The following DACH1 variants were observed in gnomAD, a reference collection of about 807,000 sequenced individuals.
DACH1 encodes the protein dachshund homolog 1.
DACH1 carries 12 observed loss-of-function variants against 54.2 expected under a neutral mutation model. The observed-to-expected ratio is 0.22, with a 90% CI of 0.14 to 0.36. The LOEUF (loss-of-function observed/expected upper bound fraction) is 0.36, where lower values mean the gene tolerates loss of function less well. DACH1 is among the 10% of genes least tolerant of loss of function. The pLI is 1.00. For synonymous variants in DACH1, 386 were observed against 366.2 expected (o/e 1.05, Z -0.62); for missense variants, 805 against 929.8 (o/e 0.87, Z 1.75).
intron 10 of DACH1, among the ~76,000 whole-genome samples, chr13:71,474,415 G>A (rs966488197): frequency 1.3e-5 from 2 of 152,092 alleles, no homozygotes; most frequent in Non-Finnish European, 2.9e-5. Flanking sequence ...ATTTTAAATA[G>A]AAAACAAATG....
chr13:71,673,783 C>T (rs1249942005), intron 2 of DACH1, among the ~76,000 whole-genome samples: 2 of 152,146 alleles, frequency 1.3e-5, no homozygotes, highest in Middle Eastern at 6.3e-3. Context: ...TAATATGTTC[C>T]ATGCTACTAT....
intron 1 of DACH1, among the ~76,000 whole-genome samples, chr13:71,821,956 G>T (rs1888205675): frequency 6.6e-6 from 1 of 152,088 alleles, no homozygotes; most frequent in Non-Finnish European, 1.5e-5. Context: ...AGCTACTCGG[G>T]AGGCTGAGGC....
chr13:71,475,938 T>C (rs1029653636), intron 8 of DACH1, 89 bp from the exon 9 acceptor site: 1 of 1,014,740 alleles, frequency 9.9e-7, no homozygotes, highest in African/African-American at 1.7e-5. Context: ...TTTTATATTA[T>C]TCATTTTGTT....
At chr13:71,809,959 T>C (rs1003249641) in intron 1 of DACH1, among the ~76,000 whole-genome samples, 3 of 152,176 alleles carry the variant, frequency 2.0e-5, no homozygotes, top group African/African-American at 7.2e-5. Flanking sequence ...ATTTTTCTGG[T>C]ATTCTGGAAG....
At chr13:71,529,525 A>G (rs1882268876) in intron 6 of DACH1, among the ~76,000 whole-genome samples, 1 of 152,078 alleles carries the variant, frequency 6.6e-6, no homozygotes, top group South Asian at 2.1e-4. Context: ...CAAATCGTAG[A>G]TGTGGCAACT....
At chr13:71,654,994 T>A (rs1010653229) in intron 2 of DACH1, among the ~76,000 whole-genome samples, 5 of 152,194 alleles carry the variant, frequency 3.3e-5, no homozygotes, top group Non-Finnish European at 5.9e-5. Context: ...GCATTAACTT[T>A]TTTGTGATGT....
In DACH1 at chr13:71,866,783, G is replaced by C; in HGVS notation, c.-14C>G. ...CGGCACTGCCATGGTCACATATAAGGGGAAACAGACGGAGGAGAAGCGAGA... is the reference window on the plus strand; with the variant it reads ...CGGCACTGCCATGGTCACATATAAGCGGAAACAGACGGAGGAGAAGCGAGA... On this transcript the variant is annotated 5_prime_UTR_variant, in exon 1 of 11. Coordinates refer to ENST00000613252, the MANE Select transcript of DACH1 (RefSeq NM_080759.6). 8 of 1,328,422 alleles carry C rather than the reference G, an allele frequency of 6.0e-6. No individual in the cohort carries two copies. Among genetic ancestry groups the C allele is most frequent in the Non-Finnish European group, 7.8e-6 (8 of 1,030,528 alleles). The allele number at this position is 1,328,422 out of a possible 1,614,324, so 82.3% of individuals were successfully genotyped here. A position where few individuals can be genotyped will look rare whatever the true frequency, so the allele number is the denominator to read the frequency against.
chr13:71,659,721 C>T (rs1436732139), intron 2 of DACH1, among the ~76,000 whole-genome samples: 1 of 151,944 alleles, frequency 6.6e-6, no homozygotes, highest in Non-Finnish European at 1.5e-5. Context: ...TGTTTTAAGG[C>T]AACATAAAAA....
At chr13:71,494,497 G>T (rs1160476456) in intron 6 of DACH1, among the ~76,000 whole-genome samples, 2 of 152,176 alleles carry the variant, frequency 1.3e-5, no homozygotes, top group East Asian at 3.9e-4. Context: ...CACATTTCAG[G>T]TAGGGTAGGC....
chr13:71,637,490 T>A (rs1422126777), intron 2 of DACH1, among the ~76,000 whole-genome samples: 1 of 152,174 alleles, frequency 6.6e-6, no homozygotes, highest in Non-Finnish European at 1.5e-5. Context: ...CAGGTTTCCA[T>A]CAAATCATTG....
intron 1 of DACH1, among the ~76,000 whole-genome samples, chr13:71,769,828 T>G (rs990119312): frequency 2.6e-4 from 40 of 151,640 alleles, no homozygotes; most frequent in African/African-American, 9.2e-4. Context: ...ATATGTGACA[T>G]GATCTTATGC....
intron 6 of DACH1, among the ~76,000 whole-genome samples, chr13:71,515,006 T>C (rs1267901785): frequency 1.3e-5 from 2 of 151,896 alleles, no homozygotes; most frequent in Non-Finnish European, 2.9e-5. Context: ...TTATAAATGG[T>C]TAGGTTTTTT....
intron 6 of DACH1, among the ~76,000 whole-genome samples, chr13:71,511,536 TCTTA>T (rs888042686): frequency 1.3e-5 from 2 of 151,774 alleles, no homozygotes; most frequent in African/African-American, 4.8e-5. Context: ...AGCCCAAAAT[TCTTA>T]CTTGTTTTCT....
At chr13:71,826,522 C>A (rs1255670761) in intron 1 of DACH1, among the ~76,000 whole-genome samples, 1 of 152,034 alleles carries the variant, frequency 6.6e-6, no homozygotes, top group Non-Finnish European at 1.5e-5. Context: ...CCTGTCTCTT[C>A]TCCCATTCCC....
chr13:71,688,637 C>T (rs1881309604), intron 1 of DACH1, among the ~76,000 whole-genome samples: 1 of 152,140 alleles, frequency 6.6e-6, no homozygotes, highest in African/African-American at 2.4e-5. Flanking sequence ...CTTTCCCACA[C>T]TCACCAAAAT....
chr13:71,804,773 C>T (rs1253288470), intron 1 of DACH1, among the ~76,000 whole-genome samples: 1 of 152,090 alleles, frequency 6.6e-6, no homozygotes, highest in African/African-American at 2.4e-5. Flanking sequence ...TTGATCTTTC[C>T]CCACTTTTTG....
chr13:71,761,116 G>A (rs1325414447), intron 1 of DACH1, among the ~76,000 whole-genome samples: 1 of 150,968 alleles, frequency 6.6e-6, no homozygotes, highest in African/African-American at 2.4e-5. Flanking sequence ...AGCTTGAATT[G>A]AATAAAGATA....
At chr13:71,830,248 C>T (rs1392308479) in intron 1 of DACH1, among the ~76,000 whole-genome samples, 2 of 151,634 alleles carry the variant, frequency 1.3e-5, no homozygotes, top group African/African-American at 4.8e-5. Flanking sequence ...TTATGATAGC[C>T]AATAGGAAAC....
At position 71,608,266 on chromosome 13, in the gene DACH1, A is replaced by G. The variant is rs779924644; in HGVS notation, c.1126+22290T>C. On this transcript the variant is annotated intron_variant, in intron 3 of 10. Coordinates refer to ENST00000613252, the MANE Select transcript of DACH1 (RefSeq NM_080759.6). Reference sequence around the variant, plus strand: ...AATAACATCCAGCATACATATAAACAAATCCACTTACAAAAGACTAATACA... The same window carrying G: ...AATAACATCCAGCATACATATAAACGAATCCACTTACAAAAGACTAATACA... Among the ~76,000 whole-genome samples, 132 of 152,150 alleles carry G rather than the reference A, an allele frequency of 8.7e-4. 1 individual carries two copies. The highest frequency in any genetic ancestry group is 1.6e-3 in the Non-Finnish European group (107 of 67,886).
Sources: allele counts gnomAD v4.1 joint callset (sites outside exome capture counted in the v4.1 genomes callset), GRCh38; gene constraint gnomAD v4.1.1; transcripts MANE v1.5; gene names NCBI Gene and HGNC (gene_info 2026-07-23, HGNC 2026-07-21).